PTPRT: variants seen among roughly 807,000 people sequenced by gnomAD.
The protein encoded by PTPRT is receptor-type tyrosine-protein phosphatase T.
Under a neutral mutation model 176.8 loss-of-function variants are expected in PTPRT, and 56 were observed. The observed-to-expected ratio is 0.32, with a 90% confidence interval of 0.26 to 0.40. The LOEUF (loss-of-function observed/expected upper bound fraction) is 0.40, where lower values mean the gene tolerates loss of function less well. Among genes scored for constraint, PTPRT ranks in the 10% least tolerant of loss-of-function variants. The probability of loss-of-function intolerance (pLI) is 1.00; values close to 1 mark genes in which losing one functional copy is unlikely to be tolerated. For missense variants in PTPRT, 1,540 were observed against 1,908.2 expected, an observed-to-expected ratio of 0.81 and a Z score of 3.60; for synonymous variants, 783 against 739.0, an observed-to-expected ratio of 1.06 and a Z score of -0.96.
At chr20:42,145,372 T>C (rs1368492589) in intron 17 of PTPRT, among the ~76,000 whole-genome samples, 1 of 152,112 alleles carries the variant, frequency 6.6e-6, no homozygotes, top group Non-Finnish European at 1.5e-5. Context: ...TGGTGACACA[T>C]GCCTGTACTC....
In PTPRT at chr20:42,593,523, C is replaced by T. The variant is rs542041475; in HGVS notation, c.1153+84343G>A. Among the ~76,000 whole-genome samples, 6 of 152,252 alleles carry T rather than the reference C, an allele frequency of 3.9e-5. No individual in the cohort carries two copies. The South Asian group carries it at 1.2e-3, about 32-fold the overall frequency. On this transcript the variant is annotated intron_variant, in intron 7 of 30. Transcript: ENST00000373187. ...TTGCCATTTAGACTGAGCTGGCGAG[C>T]TCATTTATCTAATCTGTTAAAACCA...
intron 1 of PTPRT, among the ~76,000 whole-genome samples, chr20:43,075,104 A>G (rs971763846): frequency 2.0e-5 from 3 of 152,222 alleles, no homozygotes; most frequent in African/African-American, 7.2e-5. Context: ...TCTCCAGGCC[A>G]TCGTCCTGCT....
chr20:42,487,789 G>A (rs1006418198), intron 7 of PTPRT, among the ~76,000 whole-genome samples: 3 of 152,104 alleles, frequency 2.0e-5, no homozygotes, highest in African/African-American at 4.8e-5. Flanking sequence ...TAACTGCTAC[G>A]CTTATGGTGA....
intron 2 of PTPRT, among the ~76,000 whole-genome samples, chr20:42,823,868 A>G (rs1399215526): frequency 1.3e-5 from 2 of 151,726 alleles, no homozygotes; most frequent in Non-Finnish European, 2.9e-5. Context: ...TTGAATACCT[A>G]AAAAAAACAC....
At chr20:42,654,780 A>C (rs1047387127) in intron 7 of PTPRT, among the ~76,000 whole-genome samples, 1 of 152,190 alleles carries the variant, frequency 6.6e-6, no homozygotes, top group Admixed American at 6.5e-5. Flanking sequence ...GCTCAGGTTC[A>C]CACAGCTGGT....
chr20:42,603,459 G>A (rs2145797151), intron 7 of PTPRT, among the ~76,000 whole-genome samples: 1 of 152,314 alleles, frequency 6.6e-6, no homozygotes, highest in South Asian at 2.1e-4. Context: ...AACCAAATAA[G>A]GCCAGTACGG....
At chr20:42,129,334 T>C (rs372398758) in intron 18 of PTPRT, among the ~76,000 whole-genome samples, 3 of 152,310 alleles carry the variant, frequency 2.0e-5, no homozygotes, top group East Asian at 3.9e-4. Flanking sequence ...AATACTATCA[T>C]TAAAGTGAGG....
chr20:42,407,706 A>G (rs923665997), intron 9 of PTPRT, among the ~76,000 whole-genome samples: 1 of 152,182 alleles, frequency 6.6e-6, no homozygotes, highest in African/African-American at 2.4e-5. Flanking sequence ...AAAATATTTT[A>G]AAAAGAAGAG....
intron 1 of PTPRT, among the ~76,000 whole-genome samples, chr20:43,036,752 T>C (rs1425404629): frequency 6.6e-6 from 1 of 152,192 alleles, no homozygotes; most frequent in Admixed American, 6.5e-5. Flanking sequence ...GGTAGGAAGA[T>C]GGAGAAAAAA....
chr20:42,063,559 C>T, the PTPRT span: 1 of 152,332 alleles, frequency 6.6e-6, no homozygotes. Context: ...GGAAGCTTTA[C>T]TCATCATTCC....
intron 15 of PTPRT, among the ~76,000 whole-genome samples, chr20:42,217,749 G>A (rs1307796794): frequency 1.3e-5 from 2 of 152,094 alleles, no homozygotes; most frequent in East Asian, 3.9e-4. Context: ...CTACTCCCAG[G>A]CATGTCAATA....
chr20:42,747,276 G>A (rs927361005), intron 6 of PTPRT, among the ~76,000 whole-genome samples: 1 of 152,170 alleles, frequency 6.6e-6, no homozygotes, highest in African/African-American at 2.4e-5. Flanking sequence ...TCACATGCTT[G>A]TAAAGTAAGG....
At position 42,302,066 on chromosome 20, in the gene PTPRT, G is replaced by A. The variant is rs146439469; in HGVS notation, c.2139+13657C>T. Among the ~76,000 whole-genome samples, 1,040 of 152,196 alleles carry A rather than the reference G, an allele frequency of 6.8e-3. 5 individuals are homozygous for A. Among genetic ancestry groups the A allele is most frequent in the Non-Finnish European group, 0.011 (776 of 67,992 alleles). On this transcript the variant is annotated intron_variant, in intron 12 of 30. Coordinates refer to ENST00000373187, the MANE Select transcript of PTPRT (RefSeq NM_007050.6). Reference sequence around the variant, plus strand: ...TGTTTTTCCCAACATGAGTGACATTGGGTACATTCCTTATTTTTTTTGACT... The same window carrying A: ...TGTTTTTCCCAACATGAGTGACATTAGGTACATTCCTTATTTTTTTTGACT...
the PTPRT span, among the ~76,000 whole-genome samples, chr20:42,045,954 G>C: frequency 6.6e-6 from 1 of 152,184 alleles, no homozygotes; most frequent in Non-Finnish European, 1.5e-5. Flanking sequence ...AAGTCTCTCA[G>C]ATTTTTTTCT....
intron 1 of PTPRT, among the ~76,000 whole-genome samples, chr20:43,080,123 T>G (rs1203434293): frequency 6.6e-6 from 1 of 152,220 alleles, no homozygotes; most frequent in East Asian, 1.9e-4. Context: ...GCCACTACAC[T>G]GACATCAGAC....
chr20:42,624,024 C>CAAAA (rs939312524), intron 7 of PTPRT, among the ~76,000 whole-genome samples: 7 of 99,692 alleles, frequency 7.0e-5, no homozygotes, highest in Non-Finnish European at 1.0e-4. Context: ...AACAAACAAA[C>CAAAA]AAAAAAAAAA....
intron 7 of PTPRT, among the ~76,000 whole-genome samples, chr20:42,566,393 C>A (rs1201834245): frequency 5.9e-5 from 9 of 152,198 alleles, no homozygotes; most frequent in Non-Finnish European, 8.8e-5. Context: ...GCCTTGGCCA[C>A]CCAAAGTTCT....
chr20:42,819,194 G>C (rs544248632), intron 2 of PTPRT, among the ~76,000 whole-genome samples: 1 of 152,276 alleles, frequency 6.6e-6, no homozygotes, highest in African/African-American at 2.4e-5. Flanking sequence ...CAGACTAACA[G>C]TGGACCTCTG....
At chr20:42,511,800 C>T (rs774200449) in intron 7 of PTPRT, among the ~76,000 whole-genome samples, 1 of 151,996 alleles carries the variant, frequency 6.6e-6, no homozygotes, top group South Asian at 2.1e-4. Context: ...ACACCCTGGG[C>T]CTTTGCAGAC....
Sources: allele counts gnomAD v4.1 joint callset (sites outside exome capture counted in the v4.1 genomes callset), GRCh38; gene constraint gnomAD v4.1.1; transcripts MANE v1.5; gene names NCBI Gene and HGNC (gene_info 2026-07-23, HGNC 2026-07-21).